MCU: variants seen among roughly 807,000 people sequenced by gnomAD.
MCU encodes the protein mitochondrial calcium uniporter.
MCU carries 12 observed loss-of-function variants against 45.2 expected under a neutral mutation model. The observed-to-expected ratio is 0.27, with a 90% CI of 0.17 to 0.43. MCU has a LOEUF of 0.43. Ranked by LOEUF, MCU falls within the 20% of genes least tolerant of loss-of-function variation. The pLI is 1.00. For missense variants in MCU, 324 were observed against 436.7 expected, an observed-to-expected ratio of 0.74 and a Z score of 2.30; for synonymous variants, 160 against 165.1, an observed-to-expected ratio of 0.97 and a Z score of 0.24.
At position 72,776,057 on chromosome 10, in the gene MCU, A is replaced by G. The variant is rs367960650; in HGVS notation, c.151-58302A>G. On this transcript the variant is annotated intron_variant, in intron 1 of 7. Coordinates refer to ENST00000373053, the MANE Select transcript of MCU (RefSeq NM_138357.3). ...GTGGCATGTGCCTGTAGCCCCAGTT[A>G]TGTGGGAGGCTAAGGTGGGAGGATT... Among the ~76,000 whole-genome samples, 15 of 152,040 alleles carry G rather than the reference A, an allele frequency of 9.9e-5. 4 individuals are homozygous for G. Among genetic ancestry groups the G allele is most frequent in the East Asian group, 1.9e-4 (1 of 5,166 alleles).
chr10:72,782,372 TTTG>T (rs1331464607), intron 1 of MCU, among the ~76,000 whole-genome samples: 10 of 152,226 alleles, frequency 6.6e-5, no homozygotes, highest in Admixed American at 6.5e-4. Flanking sequence ...GTGTATCTGT[TTTG>T]TTGTTGTTTT....
At chr10:72,780,228 A>G (rs545340374) in intron 1 of MCU, among the ~76,000 whole-genome samples, 22 of 152,266 alleles carry the variant, frequency 1.4e-4, no homozygotes, top group Admixed American at 5.2e-4. Flanking sequence ...ATCCATAGAG[A>G]AAAAGTAGAT....
rs1167037340 is a variant in MCU, at chr10:72,723,987, A to G, written c.150+31686A>G. ...TTAACACAAACTGTCAGATTCTTCT[A>G]AGGTCATTGGAAAGCCCATCCTTTT... On this transcript the variant is annotated intron_variant, in intron 1 of 7. Coordinates refer to ENST00000373053, the MANE Select transcript of MCU (RefSeq NM_138357.3). Among the ~76,000 whole-genome samples, 7 of 152,244 alleles carry G rather than the reference A, an allele frequency of 4.6e-5. No homozygotes were observed. The East Asian group carries it at 1.3e-3, about 29-fold the overall frequency.
chr10:72,822,776 A>G (rs983080742), intron 1 of MCU, among the ~76,000 whole-genome samples: 1 of 152,134 alleles, frequency 6.6e-6, no homozygotes, highest in African/African-American at 2.4e-5. Flanking sequence ...AGGAGGTCAA[A>G]GCTGCAGTGA....
intron 1 of MCU, among the ~76,000 whole-genome samples, chr10:72,719,144 A>T (rs1276638433): frequency 6.6e-6 from 1 of 152,224 alleles, no homozygotes; most frequent in African/African-American, 2.4e-5. Context: ...AAAAAGTATT[A>T]AAAGTATTAG....
At chr10:72,805,139 C>G (rs1320884251) in intron 1 of MCU, among the ~76,000 whole-genome samples, 2 of 139,348 alleles carry the variant, frequency 1.4e-5, no homozygotes, top group East Asian at 4.4e-4. Context: ...TTCTTTCTTT[C>G]TTTCTTTCTT....
chr10:72,797,526 A>G (rs1844268684), intron 1 of MCU, among the ~76,000 whole-genome samples: 1 of 139,948 alleles, frequency 7.1e-6, no homozygotes, highest in East Asian at 2.1e-4. Context: ...GCGACTGGCC[A>G]TAATATACTT....
At chr10:72,755,879 G>C (rs1478662594) in intron 1 of MCU, among the ~76,000 whole-genome samples, 1 of 145,806 alleles carries the variant, frequency 6.9e-6, no homozygotes, top group Non-Finnish European at 1.5e-5. Context: ...CTCTCTCTCT[G>C]TTACCCAGGC....
intron 1 of MCU, among the ~76,000 whole-genome samples, chr10:72,810,742 G>A (rs974926462): frequency 6.6e-6 from 1 of 151,896 alleles, no homozygotes; most frequent in African/African-American, 2.4e-5. Context: ...TGATCTACCT[G>A]CCTCAGCCTC....
chr10:72,764,851 G>A (rs1564550162), intron 1 of MCU, among the ~76,000 whole-genome samples: 1 of 152,112 alleles, frequency 6.6e-6, no homozygotes, highest in Non-Finnish European at 1.5e-5. Context: ...CAAGTTAACT[G>A]TAAATACTTT....
At chr10:72,708,806 T>TA (rs934798003) in intron 1 of MCU, among the ~76,000 whole-genome samples, 56 of 152,172 alleles carry the variant, frequency 3.7e-4, no homozygotes, top group African/African-American at 1.3e-3. Context: ...CAGGACTAAA[T>TA]AAAATGCTCA....
chr10:72,755,626 CTGT>C (rs1421763215), intron 1 of MCU, among the ~76,000 whole-genome samples: 1 of 152,132 alleles, frequency 6.6e-6, no homozygotes, highest in East Asian at 1.9e-4. Flanking sequence ...TAAGTGCTAA[CTGT>C]TGTTATTGTT....
chr10:72,797,389 A>G (rs963005435), intron 1 of MCU, among the ~76,000 whole-genome samples: 19 of 150,740 alleles, frequency 1.3e-4, no homozygotes, highest in African/African-American at 4.4e-4. Context: ...AAGCCCAGCT[A>G]ATTTTTTTGT....
chr10:72,869,534 G>A (rs1296790858), intron 5 of MCU, among the ~76,000 whole-genome samples: 1 of 152,208 alleles, frequency 6.6e-6, no homozygotes, highest in African/African-American at 2.4e-5. Flanking sequence ...GTTGCAGTGA[G>A]CCAAAATTGC....
chr10:72,771,371 T>C (rs1338049740), intron 1 of MCU, among the ~76,000 whole-genome samples: 1 of 152,198 alleles, frequency 6.6e-6, no homozygotes, highest in Non-Finnish European at 1.5e-5. Context: ...GGACACAAAC[T>C]CATCCTTTTT....
intron 5 of MCU, among the ~76,000 whole-genome samples, chr10:72,870,696 C>T (rs570598834): frequency 5.9e-5 from 9 of 152,304 alleles, no homozygotes; most frequent in Non-Finnish European, 1.0e-4. Flanking sequence ...TATTCTGCCC[C>T]TAGTATACCA....
chr10:72,804,853 C>G (rs886698832), intron 1 of MCU, among the ~76,000 whole-genome samples: 1 of 152,168 alleles, frequency 6.6e-6, no homozygotes, highest in Non-Finnish European at 1.5e-5. Flanking sequence ...CTCACTGCAG[C>G]CTCAATCTCC....
chr10:72,710,393 C>T (rs1207789399), intron 1 of MCU, among the ~76,000 whole-genome samples: 1 of 152,012 alleles, frequency 6.6e-6, no homozygotes, highest in East Asian at 1.9e-4. Context: ...AAAGTAGAGA[C>T]AATCTGAGAC....
chr10:72,858,376 C>T (rs190967161), intron 2 of MCU, among the ~76,000 whole-genome samples: 10 of 152,222 alleles, frequency 6.6e-5, no homozygotes, highest in Admixed American at 1.3e-4. Flanking sequence ...ACCCTCACTG[C>T]GCATTCTCTG....
Sources: allele counts gnomAD v4.1 joint callset (sites outside exome capture counted in the v4.1 genomes callset), GRCh38; gene constraint gnomAD v4.1.1; transcripts MANE v1.5; gene names NCBI Gene and HGNC (gene_info 2026-07-23, HGNC 2026-07-21).